The following MORN4 variants were observed in gnomAD, a reference collection of about 807,000 sequenced individuals.
MORN4 encodes MORN repeat-containing protein 4.
MORN4 carries 8 observed loss-of-function variants against 16.4 expected under a neutral mutation model. That is an observed-to-expected ratio of 0.49 (90% CI 0.29 to 0.88). The LOEUF is 0.88. Among genes scored for constraint, MORN4 ranks in the 40% least tolerant of loss-of-function variants. MORN4 has a pLI of 0.09. For synonymous variants in MORN4, 53 were observed against 68.9 expected (o/e 0.77, Z 1.14); for missense variants, 159 against 182.9 (o/e 0.87, Z 0.75).
intron 1 of MORN4, among the ~76,000 whole-genome samples, chr10:97,632,010 T>C (rs1015550857): frequency 1.3e-5 from 2 of 152,016 alleles, no homozygotes; most frequent in Non-Finnish European, 2.9e-5. Context: ...TAGAGAATAC[T>C]GGGTGGAGGC....
At chr10:97,633,655 C>G, upstream of MORN4, 2 of 1,269,514 alleles carry the variant, frequency 1.6e-6, no homozygotes, top group Non-Finnish European at 2.0e-6. This position sits in a 1 kb window ranked among gnomAD's most constrained non-coding sequence, Gnocchi z 4.5. Context: ...CCCACCTCTG[C>G]AACGCAGATA....
intron 1 of MORN4, among the ~76,000 whole-genome samples, chr10:97,626,958 T>C (rs1013796614): frequency 9.9e-5 from 15 of 151,368 alleles, no homozygotes; most frequent in African/African-American, 3.6e-4. Context: ...GGTTTTACCA[T>C]GTTGGCCAGG....
chr10:97,629,837 C>A (rs1223303317), intron 1 of MORN4, among the ~76,000 whole-genome samples: 5 of 152,016 alleles, frequency 3.3e-5, no homozygotes, highest in Non-Finnish European at 2.9e-5. Flanking sequence ...CGGCTCACTG[C>A]AAGCTCCGCC....
intron 1 of MORN4, among the ~76,000 whole-genome samples, chr10:97,623,889 C>T (rs147420981): frequency 0.017 from 2,584 of 152,002 alleles, 42 homozygotes; most frequent in Non-Finnish European, 0.029. Flanking sequence ...GTGCCCACCA[C>T]GACGCCCCAC....
At chr10:97,631,032 G>T (rs1386850812) in intron 1 of MORN4, among the ~76,000 whole-genome samples, 1 of 152,030 alleles carries the variant, frequency 6.6e-6, no homozygotes, top group Non-Finnish European at 1.5e-5. Context: ...TGCATTTTTT[G>T]GTAGAGACAG....
In MORN4 at chr10:97,614,585, A is replaced by G. The variant is rs527891815; in HGVS notation, c.*1678T>C. ...TTCTGGTGATTTCTTTATTCTTTAT[A>G]AACACCTTTTTCTACAGTACAATTC... On this transcript the variant is annotated 3_prime_UTR_variant, in exon 5 of 5. Transcript: ENST00000307450. 3.9e-5 allele frequency: 6 copies of G among 152,512 alleles called. No homozygotes were observed. In the East Asian group the frequency reaches 1.2e-3, roughly 29 times the overall value. 9.4% of individuals were successfully genotyped at this position (152,512 alleles called of 1,614,324 possible). A position where few individuals can be genotyped will look rare whatever the true frequency, so the allele number is the denominator to read the frequency against.
In MORN4 at chr10:97,620,502, A is replaced by G. The variant is rs980679507; in HGVS notation, c.-30-819T>C. Among the ~76,000 whole-genome samples, 5 of 110,264 alleles carry G rather than the reference A, an allele frequency of 4.5e-5. No individual in the cohort carries two copies. In the East Asian group the frequency reaches 7.0e-4, roughly 15 times the overall value. The allele number at this position is 110,264 out of a possible 152,430, so 72.3% of individuals were successfully genotyped here. A position where few individuals can be genotyped will look rare whatever the true frequency, so the allele number is the denominator to read the frequency against. ...AGACTCTGTCTCAAAAAAAAAAAAA[A>G]AAAAAGAAAAAAAAAAGAAAATATG... On this transcript the variant is annotated intron_variant, in intron 1 of 4. Coordinates refer to ENST00000307450, the MANE Select transcript of MORN4 (RefSeq NM_178832.4).
At chr10:97,634,084 T>G (rs2041420789), upstream of MORN4, among the ~76,000 whole-genome samples, 2 of 152,080 alleles carry the variant, frequency 1.3e-5, no homozygotes, top group Non-Finnish European at 2.9e-5. Context: ...GCGGGAGGCT[T>G]GAGCCCAAGA....
At chr10:97,617,347 C>T (rs751900060) in intron 2 of MORN4, 25 bp from the exon 3 acceptor site, 18 of 1,602,274 alleles carry the variant, frequency 1.1e-5, no homozygotes, top group Non-Finnish European at 4.3e-6. Context: ...GGATAGGTGT[C>T]AGGTTGGAAG....
chr10:97,622,396 A>C (rs766886963), intron 1 of MORN4, among the ~76,000 whole-genome samples: 1 of 152,108 alleles, frequency 6.6e-6, no homozygotes, highest in Admixed American at 6.6e-5. Flanking sequence ...AGGATATTCT[A>C]TAAGAAGGGA....
chr10:97,619,564 T>A, intron 2 of MORN4, 23 bp downstream of exon 2: 1 of 1,552,770 alleles, frequency 6.4e-7, no homozygotes. Context: ...TCATCATGGA[T>A]ACTCCCCAGG....
At chr10:97,631,231 G>A (rs1309718783) in intron 1 of MORN4, among the ~76,000 whole-genome samples, 1 of 152,120 alleles carries the variant, frequency 6.6e-6, no homozygotes, top group African/African-American at 2.4e-5. Context: ...TATGGCTCAG[G>A]AGTTTAGGCT....
At chr10:97,616,536 A>ACTC in intron 4 of MORN4, 125 bp from the exon 5 acceptor site, 2 of 1,287,386 alleles carry the variant, frequency 1.6e-6, no homozygotes, top group Non-Finnish European at 2.2e-6. Flanking sequence ...ACTCAGGAGT[A>ACTC]CTCTATTGAT....
At chr10:97,628,846 T>C (rs950781731) in intron 1 of MORN4, among the ~76,000 whole-genome samples, 1 of 152,200 alleles carries the variant, frequency 6.6e-6, no homozygotes, top group Non-Finnish European at 1.5e-5. Context: ...ACCACTTTTT[T>C]AGTATGCTGT....
intron 1 of MORN4, among the ~76,000 whole-genome samples, chr10:97,621,738 G>A (rs899253108): frequency 1.3e-5 from 2 of 151,948 alleles, no homozygotes; most frequent in African/African-American, 2.4e-5. Flanking sequence ...GGTGGCGGGT[G>A]CCTGTAATCC....
At position 97,616,279 on chromosome 10, in the gene MORN4, C is replaced by A; in HGVS notation, c.425G>T (p.Arg142Ile). 6.2e-7 allele frequency: 1 copy of A among 1,603,420 alleles called. No individual in the cohort carries two copies. Among genetic ancestry groups the A allele is most frequent in the Non-Finnish European group, 8.5e-7 (1 of 1,174,884 alleles). ...QRAQSASKSA[R>I]NLTA ...ACTGCGCTGTCAGGCAGTGAGATTT[C>A]TGGCTGACTTGGAGGCGCTCTGGGC... Residue 142 changes from arginine to isoleucine, a missense_variant, in exon 5 of 5, where the codon AGA becomes ATA. Coordinates refer to ENST00000307450, the MANE Select transcript of MORN4 (RefSeq NM_178832.4).
At chr10:97,630,756 C>A (rs1183144131) in intron 1 of MORN4, among the ~76,000 whole-genome samples, 3 of 152,220 alleles carry the variant, frequency 2.0e-5, no homozygotes, top group Non-Finnish European at 4.4e-5. Flanking sequence ...AATAGCTTTA[C>A]AGCTACTGAC....
At position 97,616,344 on chromosome 10, in the gene MORN4, CTTG is replaced by C. The variant is rs1310765952; in HGVS notation, c.357_359del (p.Asn119del). 7 of 1,613,298 alleles carry C rather than the reference CTTG, an allele frequency of 4.3e-6. No homozygotes were observed. Among genetic ancestry groups the C allele is most frequent in the Non-Finnish European group, 5.9e-6 (7 of 1,179,608 alleles). Reference sequence around the variant, plus strand: ...CAGAACACTTCTCACGTCGCAGCAGCTTGTTGTTCTCAAAGAGACCTTCATTGC... The same window carrying C: ...CAGAACACTTCTCACGTCGCAGCAGCTTGTTCTCAAAGAGACCTTCATTGC... On this transcript the variant is annotated inframe_deletion, in exon 5 of 5. Coordinates refer to ENST00000307450, the MANE Select transcript of MORN4 (RefSeq NM_178832.4).
At chr10:97,631,299 C>T (rs1053876592) in intron 1 of MORN4, among the ~76,000 whole-genome samples, 1 of 152,174 alleles carries the variant, frequency 6.6e-6, no homozygotes, top group Non-Finnish European at 1.5e-5. Context: ...TCTAAACAGA[C>T]ACTCACCCTT....
Sources: allele counts gnomAD v4.1 joint callset (sites outside exome capture counted in the v4.1 genomes callset), GRCh38; gene constraint gnomAD v4.1.1; non-coding constraint Gnocchi (gnomAD v3.1); transcripts MANE v1.5; gene names NCBI Gene and HGNC (gene_info 2026-07-23, HGNC 2026-07-21).